RNF149: variants seen among roughly 807,000 people sequenced by gnomAD.
RNF149 encodes the protein ring finger protein 149.
RNF149 carries 21 observed loss-of-function variants against 39.0 expected under a neutral mutation model. The ratio of observed to expected loss-of-function variants is 0.54; its 90% CI spans 0.38 to 0.77. The LOEUF is 0.77. RNF149 is among the 30% of genes least tolerant of loss of function. RNF149 has a pLI of 0.00. For missense variants in RNF149, 493 were observed against 534.9 expected (o/e 0.92, Z 0.77); for synonymous variants, 209 against 213.6 (o/e 0.98, Z 0.19).
chr2:101,280,026 C>T (rs1221451925), intron 6 of RNF149, among the ~76,000 whole-genome samples: 4 of 152,174 alleles, frequency 2.6e-5, no homozygotes, highest in Admixed American at 1.3e-4. Context: ...GGTGTGGTGG[C>T]TCATGCCTGT....
At chr2:101,271,766 T>A (rs1682137638), downstream of RNF149, 1 of 152,186 alleles carries the variant, frequency 6.6e-6, no homozygotes, top group Admixed American at 6.5e-5. Flanking sequence ...AAGACAGCAA[T>A]GAGTAACATC....
chr2:101,305,915 G>A (rs750864663), intron 1 of RNF149, among the ~76,000 whole-genome samples: 1 of 152,220 alleles, frequency 6.6e-6, no homozygotes, highest in Non-Finnish European at 1.5e-5. Context: ...ACACTGAGCT[G>A]TGTGGGCTGT....
At chr2:101,292,622 T>C (rs1187559335) in intron 3 of RNF149, among the ~76,000 whole-genome samples, 1 of 151,952 alleles carries the variant, frequency 6.6e-6, no homozygotes, top group Non-Finnish European at 1.5e-5. Flanking sequence ...AAAAATTAGC[T>C]GGGCGTGGTG....
intron 1 of RNF149, among the ~76,000 whole-genome samples, chr2:101,307,330 C>T (rs1413645282): frequency 6.6e-6 from 1 of 152,040 alleles, no homozygotes; most frequent in East Asian, 1.9e-4. Flanking sequence ...TACGGGCGGG[C>T]GCCACCACGT....
At position 101,291,157 on chromosome 2, in the gene RNF149, ATTT is replaced by A. The variant is rs796359283; in HGVS notation, c.781-2105_781-2103del. Among the ~76,000 whole-genome samples the A allele has an allele frequency of 2.0e-5, 3 of 148,098 alleles. No homozygotes were observed. The East Asian group carries it at 5.9e-4, about 29-fold the overall frequency. ...CATTTTATTATTAATTAATTAATTA[ATTT>A]TTTTTTTTTGAGACGGAGTCTCGCT... On this transcript the variant is annotated intron_variant, in intron 3 of 6. Transcript: ENST00000295317.
Position 101,308,664 on chromosome 2 carries a change from G to T in RNF149, c.-76C>A, listed in dbSNP as rs193144305. ...GTGCAGTCGAAGAGCAGAGAGAAGC[G>T]GACACCCACCGCCGCCCTGGAAGAC... On this transcript the variant is annotated 5_prime_UTR_variant, in exon 1 of 7. Transcript: ENST00000295317. 3 of 1,308,918 alleles carry T rather than the reference G, an allele frequency of 2.3e-6. No homozygotes were observed. Among genetic ancestry groups the T allele is most frequent in the African/African-American group, 3.1e-5 (2 of 63,712 alleles). The allele number at this position is 1,308,918 out of a possible 1,614,324, so 81.1% of individuals were successfully genotyped here.
In RNF149 at chr2:101,289,070, G is replaced by A; in HGVS notation, c.781-15C>T. 2.0e-6 allele frequency: 3 copies of A among 1,491,052 alleles called. No homozygotes were observed. The highest frequency in any genetic ancestry group is 2.8e-6 in the Non-Finnish European group (3 of 1,071,522). 92.4% of individuals were successfully genotyped at this position (1,491,052 alleles called of 1,614,324 possible). On this transcript the variant is annotated splice_polypyrimidine_tract_variant and intron_variant, in intron 3 of 6. Coordinates refer to ENST00000295317, the MANE Select transcript of RNF149 (RefSeq NM_173647.4). ...ACATCAATTCCCTGTAAAAAGAAAAGGAAAGTGTTACTACATTCTTGGTAC... is the reference window on the plus strand; with the variant it reads ...ACATCAATTCCCTGTAAAAAGAAAAAGAAAGTGTTACTACATTCTTGGTAC...
At chr2:101,303,338 G>T (rs1361023986) in intron 1 of RNF149, among the ~76,000 whole-genome samples, 3 of 150,716 alleles carry the variant, frequency 2.0e-5, no homozygotes, top group Non-Finnish European at 4.4e-5. Context: ...TGTTGGCCAG[G>T]CCAGTCTCGA....
intron 1 of RNF149, among the ~76,000 whole-genome samples, chr2:101,298,663 A>C (rs1020718177): frequency 5.9e-5 from 9 of 151,904 alleles, no homozygotes; most frequent in Non-Finnish European, 1.2e-4. Context: ...AAACAAAAAA[A>C]CCCCAAAAAA....
chr2:101,285,370 T>C (rs1382429640), intron 5 of RNF149, among the ~76,000 whole-genome samples: 2 of 152,188 alleles, frequency 1.3e-5, no homozygotes, highest in African/African-American at 4.8e-5. Context: ...CAAACTTTAT[T>C]TGAAAGATGA....
chr2:101,294,483 A>T, intron 2 of RNF149: 1 of 205,970 alleles, frequency 4.9e-6, no homozygotes, highest in African/African-American at 2.4e-5. Flanking sequence ...GCCTCTTCCT[A>T]GTCCTCAAGA....
downstream of RNF149, chr2:101,272,971 T>G: frequency 7.4e-7 from 1 of 1,352,332 alleles, no homozygotes; most frequent in Non-Finnish European, 9.8e-7. Flanking sequence ...TCAGGATATT[T>G]TGTCATCGTG....
intron 5 of RNF149, 122 bp downstream of exon 5, chr2:101,285,959 C>T: frequency 1.8e-6 from 1 of 570,388 alleles, no homozygotes; most frequent in Middle Eastern, 4.1e-4. Flanking sequence ...AAAATTTCTT[C>T]AGAGAACTAC....
intron 1 of RNF149, among the ~76,000 whole-genome samples, chr2:101,304,292 G>T (rs1683575747): frequency 6.6e-6 from 1 of 152,148 alleles, no homozygotes; most frequent in Non-Finnish European, 1.5e-5. Context: ...AGCTACCTGG[G>T]AGGCTGAGGT....
At chr2:101,277,943 A>G (rs1365678231) in intron 6 of RNF149, among the ~76,000 whole-genome samples, 1 of 152,154 alleles carries the variant, frequency 6.6e-6, no homozygotes, top group Non-Finnish European at 1.5e-5. Context: ...CAGTATTTAT[A>G]TTGACCCTAA....
chr2:101,300,145 C>T (rs1455470069), intron 1 of RNF149, among the ~76,000 whole-genome samples: 1 of 152,184 alleles, frequency 6.6e-6, no homozygotes, highest in African/African-American at 2.4e-5. Context: ...AGGGAAATCT[C>T]CCCAGGCACA....
chr2:101,281,328 C>G (rs1011468824), intron 6 of RNF149, among the ~76,000 whole-genome samples: 1 of 151,958 alleles, frequency 6.6e-6, no homozygotes, highest in Non-Finnish European at 1.5e-5. Flanking sequence ...ATTCACCGAC[C>G]CTTAAACACC....
chr2:101,308,668 A>G lies in RNF149; in HGVS notation c.-80T>C. 3 of 1,279,876 alleles carry G rather than the reference A, an allele frequency of 2.3e-6. No homozygotes were observed. Among genetic ancestry groups the G allele is most frequent in the Non-Finnish European group, 3.1e-6 (3 of 972,946 alleles). 79.3% of individuals were successfully genotyped at this position (1,279,876 alleles called of 1,614,324 possible). On this transcript the variant is annotated 5_prime_UTR_variant, in exon 1 of 7. Coordinates refer to ENST00000295317, the MANE Select transcript of RNF149 (RefSeq NM_173647.4). ...AGTCGAAGAGCAGAGAGAAGCGGAC[A>G]CCCACCGCCGCCCTGGAAGACTGAG...
At chr2:101,301,509 G>A (rs1043074124) in intron 1 of RNF149, among the ~76,000 whole-genome samples, 1 of 151,568 alleles carries the variant, frequency 6.6e-6, no homozygotes, top group Non-Finnish European at 1.5e-5. Flanking sequence ...TTGTAGAGAC[G>A]GGGTTTCACC....
Sources: gnomAD v4.1 joint callset for allele counts (sites outside exome capture counted in the v4.1 genomes callset) on GRCh38, gnomAD v4.1.1 for gene constraint, MANE v1.5 for transcripts, NCBI Gene and HGNC (gene_info 2026-07-23, HGNC 2026-07-21) for gene names.